The following FYTTD1 variants were observed in gnomAD, a reference collection of about 807,000 sequenced individuals.
The protein encoded by FYTTD1 is UAP56-interacting factor.
In FYTTD1, 22 loss-of-function variants were observed where a neutral mutation model predicts 40.9. The ratio of observed to expected loss-of-function variants is 0.54; its 90% confidence interval spans 0.38 to 0.77. The LOEUF is 0.77. FYTTD1 is among the 30% of genes least tolerant of loss of function. FYTTD1 has a pLI of 0.00. For synonymous variants in FYTTD1, 140 were observed against 137.9 expected, an observed-to-expected ratio of 1.01 and a Z score of -0.10; for missense variants, 351 against 392.2, an observed-to-expected ratio of 0.90 and a Z score of 0.89.
chr3:197,760,160 A>G (rs1729335638), intron 2 of FYTTD1, among the ~76,000 whole-genome samples: 1 of 151,374 alleles, frequency 6.6e-6, no homozygotes, highest in Non-Finnish European at 1.5e-5. Flanking sequence ...TCTGTGGTAG[A>G]ACGTATTGAG....
At chr3:197,778,187 C>G in intron 7 of FYTTD1, 151 bp from the exon 8 acceptor site, 1 of 511,270 alleles carries the variant, frequency 2.0e-6, no homozygotes, top group East Asian at 3.2e-5. Flanking sequence ...ATATTTTAGT[C>G]TAGAGTAGCC....
At position 197,783,522 on chromosome 3, in the gene FYTTD1, C is replaced by T. The variant is rs544337696; in HGVS notation, c.*1613C>T. 3 of 152,614 alleles carry T rather than the reference C, an allele frequency of 2.0e-5. No individual in the cohort carries two copies. The highest frequency in any genetic ancestry group is 2.1e-4 in the South Asian group (1 of 4,818). The allele number at this position is 152,614 out of a possible 1,614,324, so 9.5% of individuals were successfully genotyped here. ...TAATATCTGATATTTTCCTGGTACT[C>T]GTACTGATAAGGGATTATTGGAAGT... On this transcript the variant is annotated 3_prime_UTR_variant, in exon 9 of 9. Coordinates refer to ENST00000241502, the MANE Select transcript of FYTTD1 (RefSeq NM_032288.7).
chr3:197,764,976 A>G (rs890968328), intron 2 of FYTTD1, among the ~76,000 whole-genome samples: 3 of 150,880 alleles, frequency 2.0e-5, no homozygotes, highest in African/African-American at 7.3e-5. Flanking sequence ...CAGCCTCCCC[A>G]GTAGCTGGGA....
chr3:197,758,342 A>G lies in FYTTD1; in HGVS notation c.235+1785A>G, dbSNP rs537725660. 1.5e-3 allele frequency among the ~76,000 whole-genome samples: 231 copies of G among 152,364 alleles called. 1 individual carries two copies. The highest frequency in any genetic ancestry group is 5.4e-3 in the African/African-American group (226 of 41,586). On this transcript the variant is annotated intron_variant, in intron 2 of 8. Coordinates refer to ENST00000241502, the MANE Select transcript of FYTTD1 (RefSeq NM_032288.7). ...AATTAATGTTTATCAAATATTTAAC[A>G]TGAATATATTTCAGTGTTAAATACT...
rs1383692974 is a variant in FYTTD1, at chr3:197,784,324, T to C, written c.*2415T>C. 1.3e-5 allele frequency: 2 copies of C among 152,222 alleles called. No homozygotes were observed. The highest frequency in any genetic ancestry group is 2.1e-4 in the South Asian group (1 of 4,832). 9.4% of individuals were successfully genotyped at this position (152,222 alleles called of 1,614,324 possible). A position where few individuals can be genotyped will look rare whatever the true frequency, so the allele number is the denominator to read the frequency against. ...TTTATTCTCAGCTCTAAAGATTGAG[T>C]TGTGGTTTTTAGATTGTTCTATGTT... is the stretch of plus-strand genomic sequence containing the variant. On this transcript the variant is annotated 3_prime_UTR_variant, in exon 9 of 9. Coordinates refer to ENST00000241502, the MANE Select transcript of FYTTD1 (RefSeq NM_032288.7).
Position 197,784,123 on chromosome 3 carries a change from T to G in FYTTD1, c.*2214T>G, listed in dbSNP as rs1730101675. ...TAAAAACAGGATGCAACTTAAACTT[T>G]TCTTTGCATCAAGGTATATGCAAAA... is the stretch of plus-strand genomic sequence containing the variant. On this transcript the variant is annotated 3_prime_UTR_variant, in exon 9 of 9. Coordinates refer to ENST00000241502, the MANE Select transcript of FYTTD1 (RefSeq NM_032288.7). The G allele has an allele frequency of 6.6e-6, 1 of 152,662 alleles. No homozygotes were observed. Among genetic ancestry groups the G allele is most frequent in the Non-Finnish European group, 1.5e-5 (1 of 68,044 alleles). 9.5% of individuals were successfully genotyped at this position (152,662 alleles called of 1,614,324 possible). A position where few individuals can be genotyped will look rare whatever the true frequency, so the allele number is the denominator to read the frequency against.
chr3:197,766,268 T>C (rs1235550734), intron 2 of FYTTD1, among the ~76,000 whole-genome samples: 1 of 152,170 alleles, frequency 6.6e-6, no homozygotes, highest in Admixed American at 6.6e-5. Flanking sequence ...AAAATATATC[T>C]GTGGTTCTAT....
intron 2 of FYTTD1, among the ~76,000 whole-genome samples, chr3:197,760,177 C>G (rs1440267924): frequency 6.6e-6 from 1 of 150,832 alleles, no homozygotes; most frequent in Non-Finnish European, 1.5e-5. Context: ...TGAGTTGTTC[C>G]TCAGTGGTAG....
chr3:197,784,619 C>CT lies in FYTTD1; in HGVS notation c.*2711dup. 1 of 152,250 alleles carries CT rather than the reference C, an allele frequency of 6.6e-6. No homozygotes were observed. Among genetic ancestry groups the CT allele is most frequent in the East Asian group, 1.9e-4 (1 of 5,184 alleles). The allele number at this position is 152,250 out of a possible 1,614,324, so 9.4% of individuals were successfully genotyped here. A position where few individuals can be genotyped will look rare whatever the true frequency, so the allele number is the denominator to read the frequency against. On this transcript the variant is annotated 3_prime_UTR_variant, in exon 9 of 9. Transcript: ENST00000241502. ...CCAGCCTGGCTAACATAGGGAGACT[C>CT]TATCTTTACTAAAAATACAGACATT... is the stretch of plus-strand genomic sequence containing the variant.
In FYTTD1 at chr3:197,770,279, A is replaced by G. The variant is rs776647989; in HGVS notation, c.497+35A>G. On this transcript the variant is annotated intron_variant, in intron 4 of 8. Coordinates refer to ENST00000241502, the MANE Select transcript of FYTTD1 (RefSeq NM_032288.7). ...CAAAAATAATAATGTGTTATTTTGC[A>G]TTAAAAACACTTCCTGCATTAAGTG... is the stretch of plus-strand genomic sequence containing the variant. The G allele has an allele frequency of 3.9e-6, 5 of 1,277,180 alleles. No individual in the cohort carries two copies. The African/African-American group carries it at 7.4e-5, about 19-fold the overall frequency. The allele number at this position is 1,277,180 out of a possible 1,614,324, so 79.1% of individuals were successfully genotyped here.
Position 197,749,946 on chromosome 3 carries a change from C to T in FYTTD1, c.-26C>T, listed in dbSNP as rs1289005624. 1.4e-5 allele frequency: 21 copies of T among 1,517,262 alleles called. No individual in the cohort carries two copies. In the Middle Eastern group the frequency reaches 1.5e-3, roughly 107 times the overall value. 94.0% of individuals were successfully genotyped at this position (1,517,262 alleles called of 1,614,324 possible). On this transcript the variant is annotated 5_prime_UTR_variant, in exon 1 of 9. Coordinates refer to ENST00000241502, the MANE Select transcript of FYTTD1 (RefSeq NM_032288.7). ...CCTGCGACTCCGGCCTTGTCCGCGC[C>T]CGCTCTCGGCGCGACGTCTCCAGCC...
At chr3:197,749,594 GCAGGAGGGA>G (rs754366581), upstream of FYTTD1, 11 of 1,220,804 alleles carry the variant, frequency 9.0e-6, no homozygotes, top group African/African-American at 1.5e-5. Context: ...CCTGTCTGCA[GCAGGAGGGA>G]CTCGAAGGAC....
In FYTTD1 at chr3:197,749,906, G is replaced by C. The variant is rs1197135494; in HGVS notation, c.-66G>C. The stretch of plus-strand genomic sequence containing the variant: ...TCGGTGCGGCGGGCTGCGTGCGCGA[G>C]TGGGAGGTGGCAGGCCTGCGACTCC... On this transcript the variant is annotated 5_prime_UTR_variant, in exon 1 of 9. Coordinates refer to ENST00000241502, the MANE Select transcript of FYTTD1 (RefSeq NM_032288.7). The C allele has an allele frequency of 9.7e-7, 1 of 1,030,324 alleles. No homozygotes were observed. Among genetic ancestry groups the C allele is most frequent in the Non-Finnish European group, 1.4e-6 (1 of 733,356 alleles). 63.8% of individuals were successfully genotyped at this position (1,030,324 alleles called of 1,614,324 possible).
intron 2 of FYTTD1, chr3:197,763,769 A>G (rs936000874): frequency 6.4e-6 from 1 of 156,502 alleles, no homozygotes; most frequent in African/African-American, 2.4e-5. Context: ...TTTCCCAGAA[A>G]ATCCCTCAAA....
intron 2 of FYTTD1, among the ~76,000 whole-genome samples, chr3:197,758,389 T>G (rs541274579): frequency 5.9e-5 from 9 of 152,288 alleles, no homozygotes; most frequent in African/African-American, 2.2e-4. Context: ...CTAAACTGAT[T>G]GGGTCCTAGG....
intron 4 of FYTTD1, among the ~76,000 whole-genome samples, chr3:197,772,173 G>A (rs6583257): frequency 0.82 from 124,690 of 152,186 alleles, 51,728 homozygotes; most frequent in East Asian, 1. Context: ...TCACTTGATA[G>A]TACCTTTTGT....
At chr3:197,763,067 A>G (rs1379704111) in intron 2 of FYTTD1, among the ~76,000 whole-genome samples, 2 of 152,190 alleles carry the variant, frequency 1.3e-5, no homozygotes, top group Non-Finnish European at 2.9e-5. Context: ...CCCTATGTGT[A>G]ATGAGTTTAT....
At chr3:197,774,842 G>C (rs1473907965) in intron 6 of FYTTD1, among the ~76,000 whole-genome samples, 1 of 151,772 alleles carries the variant, frequency 6.6e-6, no homozygotes, top group African/African-American at 2.4e-5. Flanking sequence ...AGCATAGCTC[G>C]ATGGCCAGTG....
At position 197,778,474 on chromosome 3, in the gene FYTTD1, C is replaced by T. The variant is rs746332147; in HGVS notation, c.858+10C>T. ...CAGTGTCGGAAAACAGGTAAAAAAA[C>T]GTTTTCTGTATTTTCTTGGGTCATT... On this transcript the variant is annotated intron_variant, in intron 8 of 8. Transcript: ENST00000241502. 25 of 1,576,082 alleles carry T rather than the reference C, an allele frequency of 1.6e-5. No individual in the cohort carries two copies. Among genetic ancestry groups the T allele is most frequent in the South Asian group, 4.7e-5 (4 of 85,418 alleles).
Sources: gnomAD v4.1 joint callset for allele counts (sites outside exome capture counted in the v4.1 genomes callset) on GRCh38, gnomAD v4.1.1 for gene constraint, MANE v1.5 for transcripts, NCBI Gene and HGNC (gene_info 2026-07-23, HGNC 2026-07-21) for gene names.